Variants in CCSER1 observed in about 807,000 individuals in gnomAD.
CCSER1 encodes the protein coiled-coil serine rich protein 1.
A neutral mutation model predicts 82.0 loss-of-function variants in CCSER1; 41 were observed. The ratio of observed to expected loss-of-function variants is 0.50; its 90% confidence interval spans 0.39 to 0.65. The LOEUF (loss-of-function observed/expected upper bound fraction) is 0.65. CCSER1 is among the 30% of genes least tolerant of loss of function. The pLI, the probability that CCSER1 is intolerant of heterozygous loss-of-function variation, is 0.00. For synonymous variants in CCSER1, 414 were observed against 383.9 expected (o/e 1.08, Z -0.92); for missense variants, 1,119 against 1,064.2 (o/e 1.05, Z -0.72).
intron 5 of CCSER1, among the ~76,000 whole-genome samples, chr4:90,597,060 T>G (rs1783426184): frequency 6.6e-6 from 1 of 151,986 alleles, no homozygotes; most frequent in African/African-American, 2.4e-5. Flanking sequence ...AAGTTACAAT[T>G]TCAAAAAGGC....
At chr4:90,541,452 A>C (rs1264743245) in intron 5 of CCSER1, among the ~76,000 whole-genome samples, 2 of 152,084 alleles carry the variant, frequency 1.3e-5, no homozygotes, top group Non-Finnish European at 2.9e-5. Context: ...TCTTATCCCA[A>C]ACTCTATAAA....
chr4:91,064,874 A>G (rs1029049394), intron 9 of CCSER1, among the ~76,000 whole-genome samples: 1 of 152,232 alleles, frequency 6.6e-6, no homozygotes, highest in African/African-American at 2.4e-5. Context: ...AACAGGATAT[A>G]CAATCACAAT....
intron 10 of CCSER1, among the ~76,000 whole-genome samples, chr4:91,228,064 C>T (rs1252398973): frequency 1.3e-5 from 2 of 151,894 alleles, no homozygotes; most frequent in African/African-American, 4.8e-5. Flanking sequence ...TGTACTTGAC[C>T]ACATTTACTC....
At chr4:90,822,034 G>A (rs1420210809) in intron 8 of CCSER1, among the ~76,000 whole-genome samples, 1 of 152,022 alleles carries the variant, frequency 6.6e-6, no homozygotes, top group African/African-American at 2.4e-5. Flanking sequence ...TGTACCATAC[G>A]ACATCAGAAA....
At chr4:91,384,922 A>T (rs571925274) in intron 10 of CCSER1, among the ~76,000 whole-genome samples, 1 of 152,242 alleles carries the variant, frequency 6.6e-6, no homozygotes, top group African/African-American at 2.4e-5. Flanking sequence ...AAAATCTCAA[A>T]AATTTGAAAA....
intron 10 of CCSER1, among the ~76,000 whole-genome samples, chr4:91,131,945 C>T (rs1465209644): frequency 1.3e-5 from 2 of 151,834 alleles, no homozygotes; most frequent in Non-Finnish European, 2.9e-5. Flanking sequence ...TGAGCTTATA[C>T]ACCTTAACTT....
chr4:91,234,512 C>A (rs571645889), intron 10 of CCSER1, among the ~76,000 whole-genome samples: 7 of 152,114 alleles, frequency 4.6e-5, no homozygotes, highest in Admixed American at 4.6e-4. Context: ...TTATATTTTG[C>A]AGAATGCAGG....
At chr4:90,453,542 C>G (rs1320367825) in intron 4 of CCSER1, among the ~76,000 whole-genome samples, 1 of 152,136 alleles carries the variant, frequency 6.6e-6, no homozygotes, top group East Asian at 1.9e-4. Context: ...ACCAGTGTGG[C>G]AATTGTGGCT....
At chr4:90,491,424 G>A (rs373857680) in intron 5 of CCSER1, among the ~76,000 whole-genome samples, 2 of 151,994 alleles carry the variant, frequency 1.3e-5, no homozygotes, top group East Asian at 1.9e-4. Flanking sequence ...GGCCTGAGAC[G>A]ATGGGGTTTT....
At chr4:91,502,616 C>G (rs1360076444) in intron 10 of CCSER1, among the ~76,000 whole-genome samples, 4 of 152,176 alleles carry the variant, frequency 2.6e-5, no homozygotes, top group Non-Finnish European at 5.9e-5. Context: ...CAGCAGGTCT[C>G]ATTTGCCAAT....
At chr4:90,883,267 G>A (rs938153225) in intron 8 of CCSER1, among the ~76,000 whole-genome samples, 14 of 152,006 alleles carry the variant, frequency 9.2e-5, no homozygotes, top group African/African-American at 3.4e-4. Context: ...AGACCTAGTA[G>A]AGATGATGTT....
intron 10 of CCSER1, among the ~76,000 whole-genome samples, chr4:91,372,401 A>G (rs897788316): frequency 4.6e-5 from 7 of 152,144 alleles, no homozygotes; most frequent in Non-Finnish European, 1.0e-4. Context: ...AAACAAAATT[A>G]GAGGTAGCTC....
intron 10 of CCSER1, among the ~76,000 whole-genome samples, chr4:91,528,029 C>T (rs1490021592): frequency 6.6e-6 from 1 of 152,096 alleles, no homozygotes; most frequent in African/African-American, 2.4e-5. Flanking sequence ...ATTCTCATGC[C>T]TCAGCCACCT....
In CCSER1 at chr4:90,147,190, G is replaced by A. The variant is rs113941586; in HGVS notation, c.-42+19359G>A. 8.1e-3 allele frequency among the ~76,000 whole-genome samples: 1,220 copies of A among 151,354 alleles called. 19 individuals carry two copies. The highest frequency in any genetic ancestry group is 0.028 in the African/African-American group (1,156 of 41,084). On this transcript the variant is annotated intron_variant, in intron 1 of 10. Coordinates refer to ENST00000509176, the MANE Select transcript of CCSER1 (RefSeq NM_001145065.2). ...CTTTCTGTGTGTAAGACACTTTACT[G>A]TGTCTTTCTGTGTGTAAGACACTTT...
At chr4:90,596,818 G>T (rs1783402035) in intron 5 of CCSER1, among the ~76,000 whole-genome samples, 1 of 151,762 alleles carries the variant, frequency 6.6e-6, no homozygotes, top group Non-Finnish European at 1.5e-5. Context: ...AACAATTTCA[G>T]AAAAGACCAT....
At chr4:91,510,219 T>G (rs1578656715) in intron 10 of CCSER1, among the ~76,000 whole-genome samples, 1 of 152,186 alleles carries the variant, frequency 6.6e-6, no homozygotes. Flanking sequence ...TATTCCATGG[T>G]GTATATGTGT....
At chr4:91,362,142 T>C (rs1365028412) in intron 10 of CCSER1, among the ~76,000 whole-genome samples, 4 of 151,818 alleles carry the variant, frequency 2.6e-5, no homozygotes, top group African/African-American at 9.7e-5. Context: ...GTCAGAGAGA[T>C]AGAATGCCTT....
At chr4:90,562,906 T>C (rs934177856) in intron 5 of CCSER1, among the ~76,000 whole-genome samples, 2 of 150,944 alleles carry the variant, frequency 1.3e-5, no homozygotes, top group Non-Finnish European at 2.9e-5. Flanking sequence ...TGGATATTGA[T>C]AAATTTACTC....
At chr4:90,147,609 T>G (rs955814427) in intron 1 of CCSER1, among the ~76,000 whole-genome samples, 2 of 152,164 alleles carry the variant, frequency 1.3e-5, no homozygotes, top group Non-Finnish European at 2.9e-5. Flanking sequence ...ACAATTCAGG[T>G]GTACTAAAAG....
Sources: gnomAD v4.1 joint callset for allele counts (sites outside exome capture counted in the v4.1 genomes callset) on GRCh38, gnomAD v4.1.1 for gene constraint, MANE v1.5 for transcripts, NCBI Gene and HGNC (gene_info 2026-07-23, HGNC 2026-07-21) for gene names.